Variants in FANCM observed in about 807,000 individuals in gnomAD.
The protein encoded by FANCM is FA complementation group M, also known as Fanconi anemia group M protein.
A neutral mutation model predicts 199.5 loss-of-function variants in FANCM; 140 were observed. That is an observed-to-expected ratio of 0.70 (90% CI 0.61 to 0.81). The LOEUF is 0.81. Among genes scored for constraint, FANCM ranks in the 30% least tolerant of loss-of-function variants. The probability of loss-of-function intolerance (pLI) is 0.00; values close to 1 mark genes in which losing one functional copy is unlikely to be tolerated. For missense variants in FANCM, 2,410 were observed against 2,421.4 expected, an observed-to-expected ratio of 1.00 and a Z score of 0.10; for synonymous variants, 840 against 836.8, an observed-to-expected ratio of 1.00 and a Z score of -0.07.
At position 45,159,427 on chromosome 14, in the gene FANCM, A is replaced by C. The variant is rs11157434; in HGVS notation, c.1581+147A>C. The C allele has an allele frequency of 3.4e-3, 2,083 of 614,294 alleles. 43 individuals are homozygous for C. The African/African-American group carries it at 0.035, about 10-fold the overall frequency. The allele number at this position is 614,294 out of a possible 1,614,324, so 38.1% of individuals were successfully genotyped here. ...TGTAGGTAAAAATAAGCATATTTTG[A>C]AAGATGATAACAAATGTTTTATGTG... On this transcript the variant is annotated intron_variant, in intron 9 of 22. Transcript: ENST00000267430.
rs1239999768 is a variant in FANCM, at chr14:45,136,434, G to GGA, written c.404_405dup (p.Lys136GlufsTer13). 6.2e-7 allele frequency: 1 copy of GGA among 1,614,184 alleles called. No homozygotes were observed. The highest frequency in any genetic ancestry group is 8.5e-7 in the Non-Finnish European group (1 of 1,180,032). ...CAATTTCTACCGCTGGTTCCCTTCA[G>GGA]GAAAGGTGGTCTTCATGGCCCCAAC... On this transcript the variant is annotated frameshift_variant, in exon 1 of 23. Coordinates refer to ENST00000267430, the MANE Select transcript of FANCM (RefSeq NM_020937.4). LOFTEE classifies it high-confidence loss of function.
intron 9 of FANCM, among the ~76,000 whole-genome samples, chr14:45,160,824 A>G (rs1887552677): frequency 6.6e-6 from 1 of 152,162 alleles, no homozygotes; most frequent in Non-Finnish European, 1.5e-5. Context: ...TACAGGCGTG[A>G]GCCATGGTCA....
chr14:45,154,932 C>A, intron 7 of FANCM, 110 bp downstream of exon 7: 1 of 791,064 alleles, frequency 1.3e-6, no homozygotes, highest in East Asian at 2.6e-5. Context: ...TATTTTGTAG[C>A]AACAGATCTG....
At chr14:45,179,331 A>C (rs956343006) in intron 14 of FANCM, among the ~76,000 whole-genome samples, 1 of 152,128 alleles carries the variant, frequency 6.6e-6, no homozygotes, top group African/African-American at 2.4e-5. Context: ...CAGCTTCATA[A>C]TATTTTCCTG....
intron 1 of FANCM, 114 bp downstream of exon 1, chr14:45,136,653 A>T: frequency 1.9e-6 from 2 of 1,030,094 alleles, no homozygotes. Flanking sequence ...AACATTCTCT[A>T]CTTGCAGCAA....
intron 10 of FANCM, among the ~76,000 whole-genome samples, chr14:45,165,372 C>T (rs1887896723): frequency 6.6e-6 from 1 of 151,986 alleles, no homozygotes; most frequent in Admixed American, 6.6e-5. Flanking sequence ...ATGGTGAAAC[C>T]CCGTCTCTAC....
rs576487938 is a variant in FANCM, at chr14:45,143,166, A to G, written c.759+2457A>G. On this transcript the variant is annotated intron_variant, in intron 3 of 22. Transcript: ENST00000267430. ...CTTCAAGCTCCTGTGTCCTTTAGAC[A>G]TGCACTTTTTTTTTTTTTTTTTAAA... 1.3e-3 allele frequency among the ~76,000 whole-genome samples: 190 copies of G among 145,972 alleles called. 3 individuals carry two copies. Among genetic ancestry groups the G allele is most frequent in the African/African-American group, 4.4e-3 (169 of 38,268 alleles).
chr14:45,196,294 T>C lies in FANCM; in HGVS notation c.5463T>C (p.Leu1821=). The C allele has an allele frequency of 6.2e-7, 1 of 1,614,118 alleles. No homozygotes were observed. Among genetic ancestry groups the C allele is most frequent in the Non-Finnish European group, 8.5e-7 (1 of 1,180,006 alleles). Residue 1821 remains leucine, a synonymous_variant, in exon 21 of 23, where the codon CTT becomes CTC. Coordinates refer to ENST00000267430, the MANE Select transcript of FANCM (RefSeq NM_020937.4). The part of the protein sequence containing the change: ...LPQEGKGTCI[L]VGGHEITSGL... Reference sequence around the variant, plus strand: ...AGGAAGGAAAAGGAACCTGTATTCTTGTAGGTGGTCATGAAATCACTTCTG... The same window carrying C: ...AGGAAGGAAAAGGAACCTGTATTCTCGTAGGTGGTCATGAAATCACTTCTG...
rs773152045 is a variant in FANCM, at chr14:45,187,879, T to A, written c.4771T>A (p.Phe1591Ile). ...IHKTHKNINI[F>I]SQIPEQDETY... ...TAAGACACATAAAAACATAAACATT[T>A]TCTCGCAGGTATGAACTATAGAAAT... Residue 1591 changes from phenylalanine (F) to isoleucine (I), a missense_variant, in exon 19 of 23, where the codon TTC becomes ATC. Coordinates refer to ENST00000267430, the MANE Select transcript of FANCM (RefSeq NM_020937.4). 26 of 1,423,496 alleles carry A rather than the reference T, an allele frequency of 1.8e-5. No individual in the cohort carries two copies. The East Asian group carries it at 5.7e-4, about 31-fold the overall frequency. The allele number at this position is 1,423,496 out of a possible 1,614,324, so 88.2% of individuals were successfully genotyped here. A position where few individuals can be genotyped will look rare whatever the true frequency, so the allele number is the denominator to read the frequency against.
chr14:45,199,172 C>T (rs527905367), intron 22 of FANCM, among the ~76,000 whole-genome samples: 8 of 152,202 alleles, frequency 5.3e-5, no homozygotes, highest in Non-Finnish European at 1.0e-4. Context: ...GCTTAGAGCT[C>T]TGTGGAGAGA....
At chr14:45,147,086 T>A (rs1004824172) in intron 3 of FANCM, among the ~76,000 whole-genome samples, 1 of 152,130 alleles carries the variant, frequency 6.6e-6, no homozygotes, top group African/African-American at 2.4e-5. Context: ...ACTCATGTAT[T>A]TCTTTCATGA....
intron 13 of FANCM, 37 bp from the exon 14 acceptor site, chr14:45,175,032 TTG>T (rs1433993187): frequency 7.3e-7 from 1 of 1,364,810 alleles, no homozygotes; most frequent in South Asian, 1.2e-5. Context: ...CTGTTTTGTT[TTG>T]TTTTCCTGTG....
rs142594318 is a variant in FANCM, at chr14:45,178,143, C to T, written c.4222+1167C>T. Among the ~76,000 whole-genome samples, 386 of 152,252 alleles carry T rather than the reference C, an allele frequency of 2.5e-3. 1 individual carries two copies. Among genetic ancestry groups the T allele is most frequent in the African/African-American group, 8.9e-3 (371 of 41,554 alleles). Reference sequence around the variant, plus strand: ...GTAAATCTTTTCCTTACATTATTCTCGTTAGCATGGAGGACATGGTTCGTG... The same window carrying T: ...GTAAATCTTTTCCTTACATTATTCTTGTTAGCATGGAGGACATGGTTCGTG... On this transcript the variant is annotated intron_variant, in intron 14 of 22. Coordinates refer to ENST00000267430, the MANE Select transcript of FANCM (RefSeq NM_020937.4).
In FANCM at chr14:45,186,276, A is replaced by G. The variant is rs543599619; in HGVS notation, c.4672+903A>G. 6.6e-4 allele frequency among the ~76,000 whole-genome samples: 101 copies of G among 152,336 alleles called. 3 individuals are homozygous for G. The South Asian group carries it at 0.02, about 30-fold the overall frequency. On this transcript the variant is annotated intron_variant, in intron 18 of 22. Transcript: ENST00000267430. ...TCAGAGACTAGAAGAAGAGAGATTT[A>G]GTGATGTAGATTGTTAAGACCAACT... is the stretch of plus-strand genomic sequence containing the variant.
At chr14:45,149,027 A>G (rs1886632621) in intron 4 of FANCM, 32 bp downstream of exon 4, 8 of 1,496,614 alleles carry the variant, frequency 5.3e-6, no homozygotes, top group Non-Finnish European at 6.5e-6. Context: ...TAGGGATTTC[A>G]TAAATAAACT....
At chr14:45,137,349 C>G in intron 2 of FANCM, 108 bp downstream of exon 2, 2 of 865,412 alleles carry the variant, frequency 2.3e-6, no homozygotes, top group Non-Finnish European at 3.7e-6. Context: ...TTATAAAAAG[C>G]CTTTACGTCT....
intron 20 of FANCM, among the ~76,000 whole-genome samples, chr14:45,192,408 G>A (rs200821749): frequency 2.0e-5 from 3 of 152,200 alleles, no homozygotes; most frequent in Non-Finnish European, 4.4e-5. Context: ...TTGGGAGGCC[G>A]AGGCAGGTGG....
In FANCM at chr14:45,189,050, G is replaced by A. The variant is rs1294591452; in HGVS notation, c.5028G>A (p.Glu1676=). Reference sequence around the variant, plus strand: ...TTTTACCAGATGATTCAAGTGAGGAGGAGAACAATGTAAATGATAAAAGAG... The same window carrying A: ...TTTTACCAGATGATTCAAGTGAGGAAGAGAACAATGTAAATGATAAAAGAG... ...RIILPDDSSE[E]ENNVNDKRES... is the part of the protein sequence containing the mutation. The change falls in exon 20 of 23, where the codon GAG becomes GAA. Residue 1676 remains glutamate (E), a synonymous_variant. Transcript: ENST00000267430. The A allele has an allele frequency of 2.5e-6, 4 of 1,613,930 alleles. No homozygotes were observed. The highest frequency in any genetic ancestry group is 3.3e-5 in the Admixed American group (2 of 60,000).
At position 45,200,029 on chromosome 14, in the gene FANCM, T is replaced by G. The variant is rs1890277154; in HGVS notation, c.*21T>G. On this transcript the variant is annotated 3_prime_UTR_variant, in exon 23 of 23. Coordinates refer to ENST00000267430, the MANE Select transcript of FANCM (RefSeq NM_020937.4). ...TATAATCAAGCTGCTCAAGATGGGG[T>G]TTTCAAAGACCTCTCACAATATTAA... 1.3e-6 allele frequency: 2 copies of G among 1,585,098 alleles called. No homozygotes were observed. Among genetic ancestry groups the G allele is most frequent in the African/African-American group, 1.3e-5 (1 of 74,132 alleles).
Sources: allele counts gnomAD v4.1 joint callset (sites outside exome capture counted in the v4.1 genomes callset), GRCh38; gene constraint gnomAD v4.1.1; transcripts MANE v1.5; gene names NCBI Gene and HGNC (gene_info 2026-07-23, HGNC 2026-07-21).